Variants in KCNN2 observed in about 807,000 individuals in gnomAD.
KCNN2 encodes the protein potassium calcium-activated channel subfamily N member 2.
A neutral mutation model predicts 55.5 loss-of-function variants in KCNN2; 24 were observed. That is an observed-to-expected ratio of 0.43 (90% CI 0.31 to 0.61). The LOEUF is 0.61. Ranked by LOEUF, KCNN2 falls within the 20% of genes least tolerant of loss-of-function variation. KCNN2 has a pLI of 0.08. For missense variants in KCNN2, 754 were observed against 853.6 expected (o/e 0.88, Z 1.45); for synonymous variants, 431 against 336.1 (o/e 1.28, Z -3.09).
intron 1 of KCNN2, among the ~76,000 whole-genome samples, chr5:114,190,380 T>C (rs1753425847): frequency 1.3e-5 from 2 of 152,160 alleles, no homozygotes; most frequent in South Asian, 4.1e-4. Flanking sequence ...TGGAATATTA[T>C]ACATATTTAA....
chr5:114,199,061 A>G (rs10478156), intron 1 of KCNN2, among the ~76,000 whole-genome samples: 3,556 of 152,044 alleles, frequency 0.023, 116 homozygotes, highest in African/African-American at 0.076. Context: ...ATTGCTGTCT[A>G]TTTCTTTAGG....
At chr5:114,306,435 T>A (rs1756273053) in intron 2 of KCNN2, among the ~76,000 whole-genome samples, 1 of 152,198 alleles carries the variant, frequency 6.6e-6, no homozygotes, top group African/African-American at 2.4e-5. Flanking sequence ...GAACATGACA[T>A]TGTTTCTAAT....
intron 7 of KCNN2, 74 bp from the exon 8 acceptor site, chr5:114,495,821 C>T (rs1748087150): frequency 4.2e-6 from 6 of 1,414,578 alleles, no homozygotes; most frequent in Non-Finnish European, 5.9e-6. Context: ...GAGACCAGAG[C>T]TAAACCTCTG....
At chr5:114,143,694 G>A (rs1029561230) in intron 1 of KCNN2, among the ~76,000 whole-genome samples, 1 of 152,184 alleles carries the variant, frequency 6.6e-6, no homozygotes, top group Non-Finnish European at 1.5e-5. Context: ...AGTACTTCAT[G>A]TGCCGTTGGC....
intron 3 of KCNN2, among the ~76,000 whole-genome samples, chr5:114,453,404 A>C (rs973094427): frequency 5.9e-5 from 9 of 152,114 alleles, no homozygotes; most frequent in Non-Finnish European, 1.2e-4. Context: ...AGCTCGGTCT[A>C]TTTTTCTCCT....
intron 1 of KCNN2, among the ~76,000 whole-genome samples, chr5:114,070,419 T>C (rs1750544824): frequency 6.6e-6 from 1 of 152,260 alleles, no homozygotes; most frequent in Non-Finnish European, 1.5e-5. Context: ...ATTCTTTATC[T>C]TTGTTTTCCT....
intron 2 of KCNN2, among the ~76,000 whole-genome samples, chr5:114,224,315 G>A (rs1420625809): frequency 6.6e-6 from 1 of 152,014 alleles, no homozygotes; most frequent in Admixed American, 6.6e-5. Flanking sequence ...AATACTTTTG[G>A]TTTTCCATAT....
chr5:114,413,584 G>A (rs1397232715), intron 3 of KCNN2, among the ~76,000 whole-genome samples: 1 of 152,212 alleles, frequency 6.6e-6, no homozygotes, highest in Non-Finnish European at 1.5e-5. Flanking sequence ...ACCACACCTG[G>A]CCTTGTTTTT....
intron 1 of KCNN2, among the ~76,000 whole-genome samples, chr5:114,169,850 A>C (rs1752996418): frequency 6.6e-6 from 1 of 152,092 alleles, no homozygotes; most frequent in African/African-American, 2.4e-5. Context: ...GTCAGAGAGG[A>C]GATAAGGACT....
At chr5:114,385,526 C>CACAT in intron 2 of KCNN2, among the ~76,000 whole-genome samples, 1 of 146,940 alleles carries the variant, frequency 6.8e-6, no homozygotes, top group African/African-American at 2.5e-5. Flanking sequence ...CGCGCACACA[C>CACAT]ACACACACAC....
intron 2 of KCNN2, among the ~76,000 whole-genome samples, chr5:114,309,479 TG>T (rs1187655626): frequency 6.6e-6 from 1 of 152,178 alleles, no homozygotes; most frequent in Non-Finnish European, 1.5e-5. Context: ...GTGTATATGG[TG>T]AGTTTAATGT....
chr5:114,246,594 T>A (rs553368724), intron 2 of KCNN2, among the ~76,000 whole-genome samples: 4,547 of 152,256 alleles, frequency 0.03, 232 homozygotes, highest in African/African-American at 0.1. Context: ...AACATTGGTA[T>A]CGTACTTTTA....
chr5:114,162,409 C>G (rs942122251), intron 1 of KCNN2, among the ~76,000 whole-genome samples: 1 of 152,164 alleles, frequency 6.6e-6, no homozygotes, highest in African/African-American at 2.4e-5. Context: ...TCAGTCCGCC[C>G]CTACTGGGGG....
At chr5:114,213,359 A>T (rs1372935048) in intron 1 of KCNN2, among the ~76,000 whole-genome samples, 1 of 151,174 alleles carries the variant, frequency 6.6e-6, no homozygotes, top group Admixed American at 6.6e-5. Context: ...TTCTTCCCAG[A>T]TCTCTCCAGA....
At chr5:114,398,484 G>GT (rs35191729) in intron 2 of KCNN2, among the ~76,000 whole-genome samples, 20,056 of 138,912 alleles carry the variant, frequency 0.14, 2,289 homozygotes, top group African/African-American at 0.33. Context: ...CAGTATTGTT[G>GT]TTTTTTTTTT....
intron 3 of KCNN2, among the ~76,000 whole-genome samples, chr5:114,454,088 C>A (rs1020233942): frequency 1.3e-5 from 2 of 152,090 alleles, no homozygotes; most frequent in East Asian, 3.9e-4. Flanking sequence ...GTTTTCTGTT[C>A]CCGTGTTAGT....
intron 2 of KCNN2, among the ~76,000 whole-genome samples, chr5:114,308,145 A>T (rs1756322972): frequency 6.6e-6 from 1 of 152,162 alleles, no homozygotes; most frequent in South Asian, 2.1e-4. Context: ...ATCACAGCTG[A>T]GAACAATTGT....
At chr5:114,459,226 C>A (rs1302671867) in intron 3 of KCNN2, among the ~76,000 whole-genome samples, 1 of 152,172 alleles carries the variant, frequency 6.6e-6, no homozygotes, top group Non-Finnish European at 1.5e-5. Context: ...ACTCCAAAGT[C>A]CTCATTTTAA....
intron 2 of KCNN2, among the ~76,000 whole-genome samples, chr5:114,295,266 GCTGT>G (rs1285392539): frequency 6.6e-6 from 1 of 152,192 alleles, no homozygotes; most frequent in African/African-American, 2.4e-5. Context: ...AGAGGTTACT[GCTGT>G]CTTTTTGTTT....
Sources: allele counts gnomAD v4.1 joint callset (sites outside exome capture counted in the v4.1 genomes callset), GRCh38; gene constraint gnomAD v4.1.1; transcripts MANE v1.5; gene names NCBI Gene and HGNC (gene_info 2026-07-23, HGNC 2026-07-21).